Variants in ERCC6L2 observed in about 807,000 individuals in gnomAD.
ERCC6L2 encodes ERCC excision repair 6 like 2.
In ERCC6L2, 77 loss-of-function variants were observed where a neutral mutation model predicts 132.0. The ratio of observed to expected loss-of-function variants is 0.58; its 90% CI spans 0.49 to 0.71. ERCC6L2 has a LOEUF of 0.71. Ranked by LOEUF, ERCC6L2 falls within the 30% of genes least tolerant of loss-of-function variation. The pLI is 0.00. For synonymous variants in ERCC6L2, 583 were observed against 632.4 expected (o/e 0.92, Z 1.17); for missense variants, 1,542 against 1,837.6 (o/e 0.84, Z 2.94).
chr9:95,910,745 A>G (rs1234432723), intron 4 of ERCC6L2, among the ~76,000 whole-genome samples: 1 of 152,204 alleles, frequency 6.6e-6, no homozygotes, highest in East Asian at 1.9e-4. Flanking sequence ...ATTTAATTTT[A>G]TAAATCAAAC....
chr9:95,927,942 T>C lies in ERCC6L2; in HGVS notation c.1534-137T>C, dbSNP rs975940782. The C allele has an allele frequency of 3.1e-5, 17 of 557,036 alleles. No homozygotes were observed. In the African/African-American group the frequency reaches 3.3e-4, roughly 11 times the overall value. 34.5% of individuals were successfully genotyped at this position (557,036 alleles called of 1,614,324 possible). On this transcript the variant is annotated intron_variant, in intron 9 of 18. Coordinates refer to ENST00000653738, the MANE Select transcript of ERCC6L2 (RefSeq NM_020207.7). ...CTTTATTTCTCTAACTTGGAAAAAA[T>C]GAAAGGAATTAGAAAAAATGAATGA...
chr9:95,903,696 A>C (rs1828891831), intron 3 of ERCC6L2, among the ~76,000 whole-genome samples: 1 of 152,140 alleles, frequency 6.6e-6, no homozygotes, highest in South Asian at 2.1e-4. Context: ...GTCAGTGCTA[A>C]GTTAGGACTA....
chr9:95,962,304 A>G (rs1391851972), intron 13 of ERCC6L2, among the ~76,000 whole-genome samples: 1 of 152,078 alleles, frequency 6.6e-6, no homozygotes, highest in Non-Finnish European at 1.5e-5. Context: ...CATTTGAGAG[A>G]TGCTCATATA....
At position 96,012,520 on chromosome 9, in the gene ERCC6L2, T is replaced by G. The variant is rs747362009; in HGVS notation, c.3970T>G (p.Ser1324Ala). The G allele has an allele frequency of 1.5e-6, 2 of 1,367,494 alleles. No individual in the cohort carries two copies. The highest frequency in any genetic ancestry group is 2.0e-6 in the Non-Finnish European group (2 of 1,021,800). The allele number at this position is 1,367,494 out of a possible 1,614,324, so 84.7% of individuals were successfully genotyped here. The part of the protein sequence containing the change: ...LSFKDSTNKI[S>A]QVCSLKTYKR... Reference sequence around the variant, plus strand: ...ATTTAAAGATTCTACCAACAAAATTTCTCAAGTTTGCAGCCTAAAAACATA... The same window carrying G: ...ATTTAAAGATTCTACCAACAAAATTGCTCAAGTTTGCAGCCTAAAAACATA... Residue 1324 changes from serine (S) to alanine (A), a missense_variant, in exon 19 of 19, where the codon TCT (serine) becomes GCT (alanine). Transcript: ENST00000653738.
intron 19 of ERCC6L2, among the ~76,000 whole-genome samples, chr9:96,030,790 G>C (rs1215696021): frequency 4.6e-5 from 7 of 151,426 alleles, no homozygotes; most frequent in Non-Finnish European, 7.4e-5. Flanking sequence ...AACAAACTCC[G>C]GACAAACCAG....
intron 18 of ERCC6L2, among the ~76,000 whole-genome samples, chr9:96,010,574 G>T (rs1378765068): frequency 1.3e-5 from 2 of 152,100 alleles, no homozygotes; most frequent in Non-Finnish European, 2.9e-5. Flanking sequence ...ACCTGAGCCT[G>T]TACATGCACC....
At chr9:95,985,738 A>G (rs1999023) in intron 17 of ERCC6L2, among the ~76,000 whole-genome samples, 19,880 of 152,038 alleles carry the variant, frequency 0.13, 1,374 homozygotes, top group South Asian at 0.24. Context: ...ATTGGGCCCT[A>G]GTGTGCTTTT....
At chr9:95,993,278 ACTG>A (rs1168764652) in intron 17 of ERCC6L2, among the ~76,000 whole-genome samples, 1 of 152,212 alleles carries the variant, frequency 6.6e-6, no homozygotes, top group African/African-American at 2.4e-5. Flanking sequence ...CAGTGCTCAG[ACTG>A]CTATCTGGAA....
chr9:95,885,663 A>G (rs1827826773), intron 2 of ERCC6L2, among the ~76,000 whole-genome samples: 1 of 152,216 alleles, frequency 6.6e-6, no homozygotes, highest in Admixed American at 6.5e-5. Context: ...ACCTTTGGTA[A>G]TCAGACAACT....
At chr9:96,027,302 G>C (rs981040993) in intron 19 of ERCC6L2, among the ~76,000 whole-genome samples, 5 of 152,186 alleles carry the variant, frequency 3.3e-5, no homozygotes, top group African/African-American at 1.2e-4. Context: ...GTGGGAGACG[G>C]AGTGACCGGC....
intron 14 of ERCC6L2, 137 bp from the exon 15 acceptor site, chr9:95,970,439 A>G (rs1367880451): frequency 8.1e-6 from 2 of 247,410 alleles, no homozygotes; most frequent in Non-Finnish European, 1.6e-5. Flanking sequence ...GAAAAATAAC[A>G]TTAAGAATGC....
chr9:95,960,033 T>TAATC (rs1336940025), intron 13 of ERCC6L2, among the ~76,000 whole-genome samples: 1 of 152,168 alleles, frequency 6.6e-6, no homozygotes, highest in Admixed American at 6.6e-5. Flanking sequence ...TTAGCCCTTA[T>TAATC]AATCCTATCC....
At position 95,916,231 on chromosome 9, in the gene ERCC6L2, G is replaced by A. The variant is rs549240955; in HGVS notation, c.955G>A (p.Val319Met). 3 of 1,613,990 alleles carry A rather than the reference G, an allele frequency of 1.9e-6. No homozygotes were observed. The East Asian group carries it at 6.7e-5, about 36-fold the overall frequency. The change falls in exon 6 of 19, where the codon GTG becomes ATG. Residue 319 changes from valine to methionine, a missense_variant. Around this residue, in one of 4 missense-constraint regions of ERCC6L2, gnomAD observed 945 missense variants for 1,105.2 expected, o/e 0.86. Transcript: ENST00000653738. ...KELWCVMDWA[V>M]PGLLGSGTYF... ...TTTCTTATTGTCTTTATAAAGGGCTGTGCCAGGCCTTTTAGGGAGTGGGAC... is the reference window on the plus strand; with the variant it reads ...TTTCTTATTGTCTTTATAAAGGGCTATGCCAGGCCTTTTAGGGAGTGGGAC...
chr9:96,003,430 C>A (rs1350667757), intron 17 of ERCC6L2, among the ~76,000 whole-genome samples: 4 of 152,228 alleles, frequency 2.6e-5, no homozygotes, highest in Admixed American at 2.6e-4. Context: ...ATGGCACTGG[C>A]TGGGCATTCG....
chr9:95,889,389 A>G (rs950259485), intron 2 of ERCC6L2, among the ~76,000 whole-genome samples: 2 of 152,146 alleles, frequency 1.3e-5, no homozygotes, highest in Non-Finnish European at 2.9e-5. Context: ...TATGGTATCT[A>G]ATAGGTATCT....
chr9:95,931,489 C>T (rs1156490609), intron 11 of ERCC6L2, among the ~76,000 whole-genome samples: 2 of 152,092 alleles, frequency 1.3e-5, no homozygotes, highest in Admixed American at 6.6e-5. Context: ...AGGAAATATC[C>T]TCTGGTAACT....
intron 11 of ERCC6L2, among the ~76,000 whole-genome samples, chr9:95,929,460 T>A (rs1830242721): frequency 6.6e-6 from 1 of 152,216 alleles, no homozygotes; most frequent in Non-Finnish European, 1.5e-5. Context: ...AAGGAACAGA[T>A]CAATAACTTT....
intron 17 of ERCC6L2, among the ~76,000 whole-genome samples, chr9:95,978,727 C>T (rs1458601105): frequency 6.6e-6 from 1 of 152,140 alleles, no homozygotes; most frequent in East Asian, 1.9e-4. Context: ...TTTGTTTATA[C>T]ATAGTCACTT....
At chr9:95,904,467 A>G (rs1212468061) in intron 3 of ERCC6L2, among the ~76,000 whole-genome samples, 1 of 152,172 alleles carries the variant, frequency 6.6e-6, no homozygotes, top group Non-Finnish European at 1.5e-5. Context: ...AGGTGCTAAC[A>G]GGATATGTCA....
Sources: allele counts gnomAD v4.1 joint callset (sites outside exome capture counted in the v4.1 genomes callset), GRCh38; gene constraint gnomAD v4.1.1; regional missense constraint gnomAD v4.1.1; transcripts MANE v1.5; gene names NCBI Gene and HGNC (gene_info 2026-07-23, HGNC 2026-07-21).